PIMREG: variants seen among roughly 807,000 people sequenced by gnomAD.
PIMREG encodes the protein PICALM interacting mitotic regulator.
A neutral mutation model predicts 24.3 loss-of-function variants in PIMREG; 19 were observed. That is an observed-to-expected ratio of 0.78 (90% CI 0.54 to 1.15). The LOEUF is 1.15. Ranked by LOEUF, PIMREG falls within the 50% of genes most tolerant of loss-of-function variation. The pLI, the probability that PIMREG is intolerant of heterozygous loss-of-function variation, is 0.00. For missense variants in PIMREG, 283 were observed against 306.8 expected (o/e 0.92, Z 0.58); for synonymous variants, 112 against 124.1 (o/e 0.90, Z 0.65).
Position 6,447,639 on chromosome 17 carries a change from G to A in PIMREG, c.471G>A (p.Glu157=), listed in dbSNP as rs1472711870. 6.2e-7 allele frequency: 1 copy of A among 1,613,662 alleles called. No homozygotes were observed. The highest frequency in any genetic ancestry group is 1.3e-5 in the African/African-American group (1 of 74,948). ...APAHSAADPW[E]KEHHRLSVRM... ...CCCACTCAGCCGCAGACCCCTGGGA[G>A]AAGGAGCATCACCGCCTCTCTGTCC... The change falls in exon 3 of 6, where the codon GAG becomes GAA. Residue 157 remains glutamate, a synonymous_variant. Transcript: ENST00000572447.
chr17:6,449,449 G>T, intron 4 of PIMREG, 42 bp downstream of exon 4: 1 of 1,558,190 alleles, frequency 6.4e-7, no homozygotes. Flanking sequence ...GGGCCGGGAG[G>T]GCCCCTCCAG....
rs1258740714 is a variant in PIMREG at position 6,450,026 on chromosome 17, A to G, written c.687-2A>G. 1 of 1,613,934 alleles carries G rather than the reference A, an allele frequency of 6.2e-7. No homozygotes were observed. The highest frequency in any genetic ancestry group is 1.7e-5 in the Admixed American group (1 of 60,022). On this transcript the variant is annotated splice_acceptor_variant, in intron 4 of 5. Coordinates refer to ENST00000572447, the MANE Select transcript of PIMREG (RefSeq NM_019013.3). LOFTEE classifies it high-confidence loss of function. ...GGCATCAATCCCTCCCCTTCTCTCT[A>G]GTGGTGACATCGTCTCTCTCATTCA...
chr17:6,449,693 C>T, intron 4 of PIMREG: 1 of 1,385,598 alleles, frequency 7.2e-7, no homozygotes, highest in Non-Finnish European at 9.3e-7. Flanking sequence ...AAAAACCTGC[C>T]CTTCCTCCAG....
At position 6,449,407 on chromosome 17, in the gene PIMREG, G is replaced by A. The variant is rs1913719120; in HGVS notation, c.686G>A (p.Ser229Asn). 1 of 1,612,040 alleles carries A rather than the reference G, an allele frequency of 6.2e-7. No individual in the cohort carries two copies. Among genetic ancestry groups the A allele is most frequent in the Non-Finnish European group, 8.5e-7 (1 of 1,179,202 alleles). The change falls in exon 4 of 6, where the codon AGT becomes AAT. Residue 229 changes from serine to asparagine, a missense_variant and splice_region_variant. Physicochemically the swap from Ser to Asn is conservative, Grantham distance 46. Coordinates refer to ENST00000572447, the MANE Select transcript of PIMREG (RefSeq NM_019013.3). Reference sequence around the variant, plus strand: ...GATGAAGCCATTATGGCGGAAGAGAGGTGAGTTGGCATCCCATGCTTCAAA... The same window carrying A: ...GATGAAGCCATTATGGCGGAAGAGAAGTGAGTTGGCATCCCATGCTTCAAA... ...ELDEAIMAEE[S>N]GDIVSLIHD is the part of the protein sequence containing the mutation.
intron 5 of PIMREG, 56 bp downstream of exon 5, chr17:6,450,128 T>C (rs1218275401): frequency 6.4e-7 from 1 of 1,572,540 alleles, no homozygotes; most frequent in Non-Finnish European, 8.8e-7. Context: ...ATCTCATGCA[T>C]GAGCAAGTTA....
rs1433023230 is a variant in PIMREG, at chr17:6,447,751, T to C, written c.583T>C (p.Ser195Pro). The change falls in exon 3 of 6, where the codon TCT becomes CCT. Residue 195 changes from serine to proline, a missense_variant. By Grantham distance (74) the Ser-to-Pro change is moderately conservative (BLOSUM62 -1). Transcript: ENST00000572447. ...SPYSSTEPLC[S>P]PSESDSDLEP... The stretch of plus-strand genomic sequence containing the variant: ...CTACTCCTCAACAGAGCCCCTCTGC[T>C]CTCCCAGGCAAGTGGGATAGTGCTT... 11 of 1,599,792 alleles carry C rather than the reference T, an allele frequency of 6.9e-6. No homozygotes were observed. The highest frequency in any genetic ancestry group is 1.7e-5 in the Admixed American group (1 of 59,402).
chr17:6,448,873 T>G (rs1229150885), intron 3 of PIMREG, among the ~76,000 whole-genome samples: 1 of 152,184 alleles, frequency 6.6e-6, no homozygotes, highest in East Asian at 1.9e-4. Context: ...AAATAAGGCT[T>G]GTGTACACTT....
Position 6,445,107 on chromosome 17 carries a change from G to C in PIMREG, c.-4G>C. The C allele has an allele frequency of 6.3e-7, 1 of 1,585,512 alleles. No homozygotes were observed. Among genetic ancestry groups the C allele is most frequent in the Non-Finnish European group, 8.6e-7 (1 of 1,165,548 alleles). Reference sequence around the variant, plus strand: ...GTGGACAGAGAAGACTCTTGGCCAGGCAGATGGCTTCTCGGTGGCAGAACA... The same window carrying C: ...GTGGACAGAGAAGACTCTTGGCCAGCCAGATGGCTTCTCGGTGGCAGAACA... On this transcript the variant is annotated 5_prime_UTR_variant, in exon 2 of 6. Transcript: ENST00000572447.
chr17:6,446,195 T>G, intron 2 of PIMREG: 2 of 401,158 alleles, frequency 5.0e-6, no homozygotes, highest in East Asian at 7.1e-5. Context: ...GATGTAAGTG[T>G]CTGTGGACCC....
chr17:6,444,981 C>A lies in PIMREG; in HGVS notation c.-35-95C>A. On this transcript the variant is annotated intron_variant, in intron 1 of 5. Transcript: ENST00000572447. The surrounding 1 kb of genome is among the most constrained non-coding windows in gnomAD (Gnocchi z 4.3). ...CTCGCCCGCCCCCGCCACCCCGCTG[C>A]ATCCCGTCTCTTCCCCTGTGTCCAG... The A allele has an allele frequency of 2.0e-6, 2 of 1,025,022 alleles. No individual in the cohort carries two copies. Among genetic ancestry groups the A allele is most frequent in the Non-Finnish European group, 2.7e-6 (2 of 745,208 alleles). The allele number at this position is 1,025,022 out of a possible 1,614,324, so 63.5% of individuals were successfully genotyped here.
intron 2 of PIMREG, among the ~76,000 whole-genome samples, chr17:6,447,106 TTTTG>T (rs139599162): frequency 0.38 from 53,806 of 143,306 alleles, 10,509 homozygotes; most frequent in Middle Eastern, 0.47. Context: ...TGGTTTTTTT[TTTTG>T]TTGTTGTTTG....
chr17:6,449,421 C>T lies in PIMREG; in HGVS notation c.686+14C>T. 6.2e-7 allele frequency: 1 copy of T among 1,609,512 alleles called. No individual in the cohort carries two copies. The highest frequency in any genetic ancestry group is 8.5e-7 in the Non-Finnish European group (1 of 1,177,610). On this transcript the variant is annotated intron_variant, in intron 4 of 5. Coordinates refer to ENST00000572447, the MANE Select transcript of PIMREG (RefSeq NM_019013.3). ...GGCGGAAGAGAGGTGAGTTGGCATCCCATGCTTCAAAGTGAAGGGGCCGGG... is the reference window on the plus strand; with the variant it reads ...GGCGGAAGAGAGGTGAGTTGGCATCTCATGCTTCAAAGTGAAGGGGCCGGG...
intron 3 of PIMREG, among the ~76,000 whole-genome samples, chr17:6,448,409 G>C (rs1250953008): frequency 2.0e-5 from 3 of 151,544 alleles, no homozygotes; most frequent in Non-Finnish European, 2.9e-5. Context: ...AGGCTGCATA[G>C]TAGCTTAGGG....
intron 3 of PIMREG, 51 bp downstream of exon 3, chr17:6,447,809 A>G: frequency 6.5e-7 from 1 of 1,528,818 alleles, no homozygotes; most frequent in Non-Finnish European, 8.8e-7. Context: ...TAACCTGGGC[A>G]CAATCCCTGC....
rs1401021144 is a variant in PIMREG at position 6,450,859 on chromosome 17, C to G, written c.*512C>G. On this transcript the variant is annotated 3_prime_UTR_variant, in exon 6 of 6. Coordinates refer to ENST00000572447, the MANE Select transcript of PIMREG (RefSeq NM_019013.3). ...GGAAGGCATAGGAGATATTTCCAGG[C>G]TTACGACCCTGGGCTCACGGGTACC... The G allele has an allele frequency of 5.7e-6, 1 of 174,786 alleles. No homozygotes were observed. Among genetic ancestry groups the G allele is most frequent in the Non-Finnish European group, 1.2e-5 (1 of 82,450 alleles). The allele number at this position is 174,786 out of a possible 1,614,324, so 10.8% of individuals were successfully genotyped here. A position where few individuals can be genotyped will look rare whatever the true frequency, so the allele number is the denominator to read the frequency against.
At chr17:6,449,608 A>G in intron 4 of PIMREG, 1 of 1,139,496 alleles carries the variant, frequency 8.8e-7, no homozygotes, top group Non-Finnish European at 1.2e-6. Context: ...ATGTAGCCTG[A>G]ATGTGTGTGG....
At chr17:6,447,098 GTTTT>G (rs869187723) in intron 2 of PIMREG, among the ~76,000 whole-genome samples, 17 of 92,918 alleles carry the variant, frequency 1.8e-4, no homozygotes, top group Middle Eastern at 8.5e-3. Flanking sequence ...CTCACCCTTG[GTTTT>G]TTTTTTTGTT....
intron 2 of PIMREG, chr17:6,446,250 G>A (rs567106965): frequency 2.5e-6 from 1 of 400,674 alleles, no homozygotes; most frequent in East Asian, 3.6e-5. Context: ...GTGTAGACGT[G>A]TCACTTAGAA....
At chr17:6,448,301 A>G (rs74537091) in intron 3 of PIMREG, among the ~76,000 whole-genome samples, 5 of 149,218 alleles carry the variant, frequency 3.4e-5, no homozygotes, top group East Asian at 1.9e-4. Context: ...AAAAAAAAAA[A>G]AGAGAGAGAG....
Sources: gnomAD v4.1 joint callset for allele counts (sites outside exome capture counted in the v4.1 genomes callset) on GRCh38, gnomAD v4.1.1 for gene constraint, Gnocchi (gnomAD v3.1) non-coding constraint, MANE v1.5 for transcripts, NCBI Gene and HGNC (gene_info 2026-07-23, HGNC 2026-07-21) for gene names.